The following TNRC18 variants were observed in gnomAD, a reference collection of about 807,000 sequenced individuals.
TNRC18 encodes trinucleotide repeat containing 18.
Under a neutral mutation model 226.7 loss-of-function variants are expected in TNRC18, and 69 were observed. The ratio of observed to expected loss-of-function variants is 0.30; its 90% CI spans 0.25 to 0.37. The LOEUF (loss-of-function observed/expected upper bound fraction) is 0.37, where lower values mean the gene tolerates loss of function less well. Ranked by LOEUF, TNRC18 falls within the 10% of genes least tolerant of loss-of-function variation. The probability of loss-of-function intolerance (pLI) is 1.00; values close to 1 mark genes in which losing one functional copy is unlikely to be tolerated. For synonymous variants in TNRC18, 2,449 were observed against 1,927.6 expected (o/e 1.27, Z -7.09); for missense variants, 4,754 against 4,256.6 (o/e 1.12, Z -3.25).
At position 5,328,128 on chromosome 7, in the gene TNRC18, G is replaced by C. The variant is rs367915718; in HGVS notation, c.6148-2880C>G. Among the ~76,000 whole-genome samples the C allele has an allele frequency of 3.3e-4, 50 of 152,258 alleles. No individual in the cohort carries two copies. In the East Asian group the frequency reaches 7.4e-3, roughly 22 times the overall value. On this transcript the variant is annotated intron_variant, in intron 19 of 29. Coordinates refer to ENST00000430969, the MANE Select transcript of TNRC18 (RefSeq NM_001080495.3). The stretch of plus-strand genomic sequence containing the variant: ...AGCTACTCTGGAGGCTGAGACAAGA[G>C]AATCACTTGAACCCGGGAGGCAGAG...
intron 19 of TNRC18, among the ~76,000 whole-genome samples, chr7:5,330,932 C>G (rs1789463740): frequency 6.6e-6 from 1 of 152,154 alleles, no homozygotes; most frequent in Non-Finnish European, 1.5e-5. Flanking sequence ...ACCTTGGCCT[C>G]CCAAAGTGCT....
chr7:5,408,364 C>G (rs541592104), intron 2 of TNRC18, among the ~76,000 whole-genome samples: 17 of 151,832 alleles, frequency 1.1e-4, no homozygotes, highest in Non-Finnish European at 2.2e-4. Context: ...GAAACATCCC[C>G]CTGGCCAGGC....
Position 5,371,010 on chromosome 7 carries a change from C to G in TNRC18, c.3584G>C (p.Gly1195Ala), listed in dbSNP as rs890201969. ...GGCCTCCAACAGGCCACCTCCACAA[C>G]CCCCTGCAGGGCTGGGGGTAGCCAT... ...EAMATPSPAGGCGGGLLEAQA... is the reference protein window; with the variant it reads ...EAMATPSPAGACGGGLLEAQA... Residue 1195 changes from glycine (G) to alanine (A), a missense_variant, in exon 11 of 30, where the codon GGT becomes GCT. Transcript: ENST00000430969. 6 of 1,608,032 alleles carry G rather than the reference C, an allele frequency of 3.7e-6. No homozygotes were observed. The African/African-American group carries it at 6.7e-5, about 18-fold the overall frequency.
At chr7:5,411,453 G>A (rs1390063871) in intron 2 of TNRC18, among the ~76,000 whole-genome samples, 2 of 149,670 alleles carry the variant, frequency 1.3e-5, no homozygotes, top group Non-Finnish European at 3.0e-5. Context: ...GGGAGGCAGA[G>A]GTTGCAGTGA....
Position 5,320,621 on chromosome 7 carries a change from C to G in TNRC18, c.6561-14G>C. The G allele has an allele frequency of 6.2e-7, 1 of 1,609,756 alleles. No individual in the cohort carries two copies. Among genetic ancestry groups the G allele is most frequent in the Non-Finnish European group, 8.5e-7 (1 of 1,178,964 alleles). On this transcript the variant is annotated splice_polypyrimidine_tract_variant and intron_variant, in intron 22 of 29. Transcript: ENST00000430969. ...ACCACGCGGTATCTGTAGGAGCAAACGAGGCGTGAGGTGGCAGAGGCCGAG... is the reference window on the plus strand; with the variant it reads ...ACCACGCGGTATCTGTAGGAGCAAAGGAGGCGTGAGGTGGCAGAGGCCGAG...
chr7:5,333,139 G>GGACCTCCCCGCCAA lies in TNRC18; in HGVS notation c.5720-104_5720-91dup, dbSNP rs1264460561. On this transcript the variant is annotated intron_variant, in intron 18 of 29. Coordinates refer to ENST00000430969, the MANE Select transcript of TNRC18 (RefSeq NM_001080495.3). Reference sequence around the variant, plus strand: ...ACATGGACACCATTCCTCCCCGGCGGGACCTCCCCGCCAATGGCAGCGCTT... The same window carrying GGACCTCCCCGCCAA: ...ACATGGACACCATTCCTCCCCGGCGGGACCTCCCCGCCAAGACCTCCCCGCCAATGGCAGCGCTT... 2.0e-5 allele frequency: 29 copies of GGACCTCCCCGCCAA among 1,420,384 alleles called. No individual in the cohort carries two copies. The East Asian group carries it at 7.0e-4, about 34-fold the overall frequency. 88.0% of individuals were successfully genotyped at this position (1,420,384 alleles called of 1,614,324 possible). A position where few individuals can be genotyped will look rare whatever the true frequency, so the allele number is the denominator to read the frequency against.
intron 2 of TNRC18, chr7:5,407,528 C>G (rs1781555639): frequency 6.6e-6 from 1 of 152,260 alleles, no homozygotes; most frequent in African/African-American, 2.4e-5. Flanking sequence ...TACTCCCCAC[C>G]TGGGATCACA....
Position 5,313,482 on chromosome 7 carries a change from G to T in TNRC18, c.7409C>A (p.Thr2470Lys). ...TTTAGCCTTCTTGCTTTTGGGTGAC[G>T]TGACACCCTCGTGGTCCAGTTTGAC... ...LLVKLDHEGV[T>K]SPKSKKAKEA... The change falls in exon 27 of 30, where the codon ACG (threonine) becomes AAG (lysine). Residue 2470 changes from threonine to lysine, a missense_variant. Coordinates refer to ENST00000430969, the MANE Select transcript of TNRC18 (RefSeq NM_001080495.3). 6.2e-7 allele frequency: 1 copy of T among 1,613,282 alleles called. No homozygotes were observed. The highest frequency in any genetic ancestry group is 8.5e-7 in the Non-Finnish European group (1 of 1,179,544).
chr7:5,386,676 G>T (rs1228666021), intron 5 of TNRC18, among the ~76,000 whole-genome samples: 1 of 152,078 alleles, frequency 6.6e-6, no homozygotes, highest in Non-Finnish European at 1.5e-5. Context: ...CTTGAGCCCA[G>T]GAGGTCAAGG....
intron 2 of TNRC18, among the ~76,000 whole-genome samples, chr7:5,413,345 C>G (rs1562639687): frequency 6.6e-6 from 1 of 152,134 alleles, no homozygotes; most frequent in African/African-American, 2.4e-5. Context: ...AAGTGGTTCG[C>G]ACCCAAGCCA....
At chr7:5,386,844 A>G (rs1390954519) in intron 5 of TNRC18, among the ~76,000 whole-genome samples, 1 of 151,978 alleles carries the variant, frequency 6.6e-6, no homozygotes, top group Non-Finnish European at 1.5e-5. Context: ...GAAGGCTGAG[A>G]TGGGCGGATC....
chr7:5,413,527 C>T (rs182460807), intron 2 of TNRC18, among the ~76,000 whole-genome samples: 10 of 152,272 alleles, frequency 6.6e-5, no homozygotes, highest in Non-Finnish European at 1.2e-4. Flanking sequence ...AACCCAGCCT[C>T]GTTTCTTTTA....
At chr7:5,392,054 C>G (rs758094924) in intron 3 of TNRC18, among the ~76,000 whole-genome samples, 4 of 151,922 alleles carry the variant, frequency 2.6e-5, no homozygotes, top group Non-Finnish European at 5.9e-5. Context: ...CAGGACCTGT[C>G]CCTGGTCCAC....
intron 18 of TNRC18, among the ~76,000 whole-genome samples, chr7:5,342,478 A>G (rs1790785085): frequency 6.6e-6 from 1 of 152,152 alleles, no homozygotes; most frequent in Non-Finnish European, 1.5e-5. Flanking sequence ...CTCGCGGACA[A>G]CTATGAAAGG....
intron 18 of TNRC18, among the ~76,000 whole-genome samples, chr7:5,337,376 C>G (rs1399535448): frequency 6.6e-6 from 1 of 151,806 alleles, no homozygotes; most frequent in Non-Finnish European, 1.5e-5. Context: ...CCCAACTACT[C>G]GGGAGGCTGA....
chr7:5,406,622 G>C (rs115617816), intron 2 of TNRC18, among the ~76,000 whole-genome samples: 2 of 152,022 alleles, frequency 1.3e-5, no homozygotes, highest in Non-Finnish European at 2.9e-5. Context: ...AGGCAGAAGC[G>C]GGCGGATCAC....
intron 24 of TNRC18, among the ~76,000 whole-genome samples, chr7:5,316,841 A>G (rs1433080620): frequency 3.3e-5 from 5 of 152,022 alleles, no homozygotes; most frequent in Admixed American, 3.3e-4. Flanking sequence ...TGGTTTTCCT[A>G]AGAGAATCCT....
chr7:5,419,982 A>AT (rs79807986), intron 2 of TNRC18: 7,424 of 152,128 alleles, frequency 0.049, 279 homozygotes, highest in African/African-American at 0.12. Flanking sequence ...CAGGAGGTGG[A>AT]TTTTTTTTTT....
chr7:5,324,566 C>G lies in TNRC18; in HGVS notation c.6301-211G>C, dbSNP rs1788707408. 6.6e-6 allele frequency among the ~76,000 whole-genome samples: 1 copy of G among 152,178 alleles called. No individual in the cohort carries two copies. ...GCTGGCCCATGCTCAGTACTCGGTGCTCAATACTCAGTACTCTGTGCTCAG... is the reference window on the plus strand; with the variant it reads ...GCTGGCCCATGCTCAGTACTCGGTGGTCAATACTCAGTACTCTGTGCTCAG... On this transcript the variant is annotated intron_variant, in intron 20 of 29. Coordinates refer to ENST00000430969, the MANE Select transcript of TNRC18 (RefSeq NM_001080495.3). The surrounding 1 kb of genome is among the most constrained non-coding windows in gnomAD (Gnocchi z 4.8).
Sources: allele counts gnomAD v4.1 joint callset (sites outside exome capture counted in the v4.1 genomes callset), GRCh38; gene constraint gnomAD v4.1.1; non-coding constraint Gnocchi (gnomAD v3.1); transcripts MANE v1.5; gene names NCBI Gene and HGNC (gene_info 2026-07-23, HGNC 2026-07-21).